Variants in FAM9A observed in about 807,000 individuals in gnomAD.
FAM9A encodes family with sequence similarity 9 member A.
FAM9A carries 49 observed loss-of-function variants against 25.0 expected under a neutral mutation model. The ratio of observed to expected loss-of-function variants is 1.96; its 90% confidence interval spans 1.56 to 2.48. The LOEUF is 2.48. FAM9A is among the 30% of genes most tolerant of loss of function. The pLI, the probability that FAM9A is intolerant of heterozygous loss-of-function variation, is 0.00. For synonymous variants in FAM9A, 80 were observed against 85.1 expected (o/e 0.94, Z 0.33); for missense variants, 266 against 249.3 (o/e 1.07, Z -0.45).
At chrX:8,798,573 G>T in intron 3 of FAM9A, 94 bp from the exon 4 acceptor site, 2 of 1,146,009 alleles carry the variant, frequency 1.7e-6, no homozygotes, top group Non-Finnish European at 2.3e-6. Context: ...GACTTTTTTG[G>T]CTCTCTACCA....
Position 8,799,096 on chromosome X carries a change from T to C in FAM9A, c.92-2A>G. The C allele has an allele frequency of 3.3e-6, 4 of 1,204,560 alleles. No homozygotes were observed. Among genetic ancestry groups the C allele is most frequent in the Non-Finnish European group, 4.5e-6 (4 of 890,660 alleles). The stretch of plus-strand genomic sequence containing the variant: ...GGAAGTTAGAGGCGATCCCTGAACC[T>C]GGTTGAGTGCAAAGTCAAACTAAGT... On this transcript the variant is annotated splice_acceptor_variant, in intron 2 of 9. Transcript: ENST00000381003. LOFTEE classifies it high-confidence loss of function.
At chrX:8,798,911 C>A (rs1933565266) in intron 3 of FAM9A, 55 bp downstream of exon 3, 1 of 1,206,923 alleles carries the variant, frequency 8.3e-7, no homozygotes, top group African/African-American at 1.7e-5. Context: ...AAAGAGCAGA[C>A]AGACCGTCCT....
intron 6 of FAM9A, 37 bp from the exon 7 acceptor site, chrX:8,795,457 A>G (rs202167805): frequency 9.1e-7 from 1 of 1,103,463 alleles, no homozygotes; most frequent in Non-Finnish European, 1.2e-6. Context: ...CATATGTCAT[A>G]GAGAGATGAA....
At chrX:8,794,725 C>G (rs1022848699) in intron 7 of FAM9A, among the ~76,000 whole-genome samples, 2 of 111,938 alleles carry the variant, frequency 1.8e-5, no homozygotes, top group African/African-American at 6.5e-5. Flanking sequence ...TCAGTCCCAG[C>G]TGAAATTCCA....
Position 8,800,066 on chromosome X carries a change from T to G in FAM9A, c.91+15A>C, listed in dbSNP as rs1466888629. On this transcript the variant is annotated intron_variant, in intron 2 of 9. Coordinates refer to ENST00000381003, the MANE Select transcript of FAM9A (RefSeq NM_174951.3). The stretch of plus-strand genomic sequence containing the variant: ...CCGCGCAGAGAGCAAACAGACCATC[T>G]CCTTGGGCGTGCACCTTCTTTCGTG... 1 of 1,203,301 alleles carries G rather than the reference T, an allele frequency of 8.3e-7. No homozygotes were observed. Among genetic ancestry groups the G allele is most frequent in the Admixed American group, 2.2e-5 (1 of 45,266 alleles).
rs1419656002 is a variant in FAM9A, at chrX:8,799,987, G to A, written c.91+94C>T. 100 of 945,288 alleles carry A rather than the reference G, an allele frequency of 1.1e-4. 3 individuals are homozygous for A. In the Middle Eastern group the frequency reaches 3.5e-3, roughly 33 times the overall value. 77.9% of individuals were successfully genotyped at this position (945,288 alleles called of 1,213,427 possible). A position where few individuals can be genotyped will look rare whatever the true frequency, so the allele number is the denominator to read the frequency against. On this transcript the variant is annotated intron_variant, in intron 2 of 9. Coordinates refer to ENST00000381003, the MANE Select transcript of FAM9A (RefSeq NM_174951.3). Reference sequence around the variant, plus strand: ...ACCTGGGGCCTCTTAGCACGTGCATGGTGGACTCCAAAGCCACAAAGGGGC... The same window carrying A: ...ACCTGGGGCCTCTTAGCACGTGCATAGTGGACTCCAAAGCCACAAAGGGGC...
chrX:8,792,716 A>C (rs189343306), intron 8 of FAM9A, among the ~76,000 whole-genome samples: 26 of 112,203 alleles, frequency 2.3e-4, no homozygotes, highest in African/African-American at 8.1e-4. Context: ...GTTGCTTGAA[A>C]ATTTTATTTT....
chrX:8,800,579 G>A (rs1231024104), intron 1 of FAM9A, among the ~76,000 whole-genome samples: 1 of 110,591 alleles, frequency 9.0e-6, no homozygotes, highest in African/African-American at 3.3e-5. Flanking sequence ...GGGCTGCACT[G>A]CCACTTGCCT....
At position 8,798,928 on chromosome X, in the gene FAM9A, C is replaced by T. The variant is rs202152195; in HGVS notation, c.220+38G>A. 272 of 1,210,339 alleles carry T rather than the reference C, an allele frequency of 2.2e-4. No homozygotes were observed. The African/African-American group carries it at 4.3e-3, about 19-fold the overall frequency. ...AGAGCAGACAGACCGTCCTCTTGGG[C>T]GTGCACCTTCTTTTCTGGCCCCTTG... On this transcript the variant is annotated intron_variant, in intron 3 of 9. Coordinates refer to ENST00000381003, the MANE Select transcript of FAM9A (RefSeq NM_174951.3).
In FAM9A at chrX:8,791,369, T is replaced by C; in HGVS notation, c.941A>G (p.Asp314Gly). 1.7e-6 allele frequency: 2 copies of C among 1,201,411 alleles called. No individual in the cohort carries two copies. Among genetic ancestry groups the C allele is most frequent in the Non-Finnish European group, 2.2e-6 (2 of 890,641 alleles). Residue 314 changes from aspartate to glycine, a missense_variant, in exon 9 of 10, where the codon GAC becomes GGC. Asp to Gly is a moderately conservative substitution (Grantham distance 94, BLOSUM62 -1). Coordinates refer to ENST00000381003, the MANE Select transcript of FAM9A (RefSeq NM_174951.3). Reference protein sequence around the residue: ...LLEQLLKAAKDTKDNYCIISS... With the variant: ...LLEQLLKAAKGTKDNYCIISS... ...AATGATGCAATAATTGTCTTTAGTGTCCTTGGCAGCCTAAAAGAAAAAGTC... is the reference window on the plus strand; with the variant it reads ...AATGATGCAATAATTGTCTTTAGTGCCCTTGGCAGCCTAAAAGAAAAAGTC...
intron 5 of FAM9A, 115 bp from the exon 6 acceptor site, chrX:8,796,497 G>T: frequency 2.1e-6 from 1 of 483,401 alleles, no homozygotes; most frequent in Non-Finnish European, 3.5e-6. Flanking sequence ...CATTTACATT[G>T]TAAAATACAA....
At chrX:8,797,249 A>G (rs1933544348) in intron 5 of FAM9A, among the ~76,000 whole-genome samples, 1 of 112,122 alleles carries the variant, frequency 8.9e-6, no homozygotes, top group Admixed American at 9.5e-5. Flanking sequence ...AGAGCTGAAA[A>G]CTGAATTGAG....
intron 8 of FAM9A, among the ~76,000 whole-genome samples, chrX:8,792,076 C>T (rs546216445): frequency 9.0e-6 from 1 of 110,798 alleles, no homozygotes; most frequent in Non-Finnish European, 1.9e-5. Context: ...TGGTCTTAGT[C>T]AAAAAAAAAT....
At chrX:8,793,880 A>G (rs1168941262) in intron 7 of FAM9A, 124 bp from the exon 8 acceptor site, 4 of 470,132 alleles carry the variant, frequency 8.5e-6, no homozygotes, top group Non-Finnish European at 1.4e-5. Context: ...CTTTTAAACA[A>G]TGTTTATGAC....
Position 8,798,992 on chromosome X carries a change from C to T in FAM9A, c.194G>A (p.Arg65Lys), listed in dbSNP as rs199558560. Residue 65 changes from arginine (R) to lysine (K), a missense_variant, in exon 3 of 10, where the codon AGG (arginine) becomes AAG (lysine). Transcript: ENST00000381003. ...TGTGTGCTTCTTCGCCGGGGCGGCC[C>T]TAACTTGAGCTTCCAACTGAGCTTT... ...AAKAQLEAQV[R>K]AAPAKKHTGK... The T allele has an allele frequency of 2.5e-5, 30 of 1,211,795 alleles. No individual in the cohort carries two copies. Among genetic ancestry groups the T allele is most frequent in the Non-Finnish European group, 3.1e-5 (28 of 895,536 alleles).
At chrX:8,791,852 C>A (rs1382004201) in intron 8 of FAM9A, among the ~76,000 whole-genome samples, 1 of 111,566 alleles carries the variant, frequency 9.0e-6, no homozygotes, top group African/African-American at 3.3e-5. Context: ...ACAAATAGTT[C>A]AACAGTTCCT....
At chrX:8,798,069 C>T (rs1933553054) in intron 5 of FAM9A, 81 bp downstream of exon 5, 3 of 960,003 alleles carry the variant, frequency 3.1e-6, no homozygotes, top group Non-Finnish European at 1.4e-6. Flanking sequence ...GTCTCGTCGT[C>T]CACTAATTCA....
chrX:8,793,891 C>A (rs929477561), intron 7 of FAM9A, 135 bp from the exon 8 acceptor site: 3 of 442,856 alleles, frequency 6.8e-6, no homozygotes, highest in Admixed American at 8.6e-5. Context: ...TGTTTATGAC[C>A]AATTTTAAAC....
intron 7 of FAM9A, among the ~76,000 whole-genome samples, chrX:8,794,796 C>T (rs1300692431): frequency 1.8e-5 from 2 of 112,256 alleles, no homozygotes; most frequent in Non-Finnish European, 3.8e-5. Flanking sequence ...CTTCTATCAA[C>T]GTGCGCAGCT....
Sources: gnomAD v4.1 joint callset for allele counts (sites outside exome capture counted in the v4.1 genomes callset) on GRCh38, gnomAD v4.1.1 for gene constraint, MANE v1.5 for transcripts, NCBI Gene and HGNC (gene_info 2026-07-23, HGNC 2026-07-21) for gene names.